Variants in ATP11B observed in about 807,000 individuals in gnomAD.
The protein encoded by ATP11B is phospholipid-transporting ATPase IF.
A neutral mutation model predicts 157.8 loss-of-function variants in ATP11B; 81 were observed. The ratio of observed to expected loss-of-function variants is 0.51; its 90% CI spans 0.43 to 0.62. The LOEUF is 0.62. ATP11B is among the 20% of genes least tolerant of loss of function. The pLI, the probability that ATP11B is intolerant of heterozygous loss-of-function variation, is 0.00. For synonymous variants in ATP11B, 451 were observed against 469.4 expected (o/e 0.96, Z 0.51); for missense variants, 1,165 against 1,402.2 (o/e 0.83, Z 2.70).
intron 2 of ATP11B, among the ~76,000 whole-genome samples, chr3:182,822,298 T>A (rs910167185): frequency 2.0e-5 from 3 of 151,964 alleles, no homozygotes; most frequent in Admixed American, 6.6e-5. Flanking sequence ...CCCCAGTGTG[T>A]GATATTCCCC....
At chr3:182,794,796 G>A (rs927006628) in intron 1 of ATP11B, among the ~76,000 whole-genome samples, 18 of 152,190 alleles carry the variant, frequency 1.2e-4, no homozygotes, top group Non-Finnish European at 8.8e-5. Flanking sequence ...TGATGAGGCC[G>A]GTTACTATTT....
intron 24 of ATP11B, among the ~76,000 whole-genome samples, chr3:182,888,481 A>T (rs979240332): frequency 6.6e-6 from 1 of 152,176 alleles, no homozygotes; most frequent in Non-Finnish European, 1.5e-5. Context: ...AGATAAATCA[A>T]CTTTTCAAAA....
chr3:182,849,258 A>G (rs1023063973), intron 10 of ATP11B, among the ~76,000 whole-genome samples: 3 of 152,238 alleles, frequency 2.0e-5, no homozygotes, highest in Non-Finnish European at 4.4e-5. Context: ...TGCCCATTGC[A>G]TTGGAGACAC....
At chr3:182,868,369 A>G (rs986074949) in intron 15 of ATP11B, among the ~76,000 whole-genome samples, 1 of 149,192 alleles carries the variant, frequency 6.7e-6, no homozygotes, top group Non-Finnish European at 1.5e-5. Flanking sequence ...TTCTTTGGCT[A>G]CTTTCATGTG....
intron 17 of ATP11B, among the ~76,000 whole-genome samples, 186 bp from the exon 18 acceptor site, chr3:182,872,170 C>G (rs1489038741): frequency 6.6e-6 from 1 of 152,190 alleles, no homozygotes; most frequent in Non-Finnish European, 1.5e-5. Flanking sequence ...ATATGTGTCC[C>G]ATAACTCAGA....
rs1286287474 is a variant in ATP11B at position 182,894,685 on chromosome 3, G to A, written c.2983-2015G>A. ...TGGCTTCTTCTAGGACCTTGAATGGGGCCTATGCAAGAGGAAGCCCTAAAT... is the reference window on the plus strand; with the variant it reads ...TGGCTTCTTCTAGGACCTTGAATGGAGCCTATGCAAGAGGAAGCCCTAAAT... On this transcript the variant is annotated intron_variant, in intron 25 of 29. Coordinates refer to ENST00000323116, the MANE Select transcript of ATP11B (RefSeq NM_014616.3). 2.6e-5 allele frequency among the ~76,000 whole-genome samples: 4 copies of A among 152,078 alleles called. No individual in the cohort carries two copies. The East Asian group carries it at 7.7e-4, about 29-fold the overall frequency.
chr3:182,899,544 A>G (rs954171731), intron 28 of ATP11B, among the ~76,000 whole-genome samples: 1 of 152,208 alleles, frequency 6.6e-6, no homozygotes, highest in Non-Finnish European at 1.5e-5. Flanking sequence ...AATTTTTAAA[A>G]TTACATTATC....
intron 8 of ATP11B, among the ~76,000 whole-genome samples, 158 bp from the exon 9 acceptor site, chr3:182,845,300 C>G (rs4859249): frequency 0.12 from 18,335 of 152,194 alleles, 1,243 homozygotes; most frequent in African/African-American, 0.18. Flanking sequence ...AGCCACCACG[C>G]CCGGCCCCTG....
chr3:182,845,972 G>A (rs1027938108), intron 9 of ATP11B, among the ~76,000 whole-genome samples: 21 of 152,228 alleles, frequency 1.4e-4, no homozygotes, highest in African/African-American at 4.8e-4. Context: ...AACATACACT[G>A]ATTGGATCAA....
chr3:182,897,501 G>A, intron 27 of ATP11B, 95 bp downstream of exon 27: 1 of 853,424 alleles, frequency 1.2e-6, no homozygotes, highest in Non-Finnish European at 1.8e-6. Flanking sequence ...GCTCATAACA[G>A]ATTTCAGACT....
chr3:182,793,629 A>T lies in ATP11B; in HGVS notation c.-131A>T. 2.1e-6 allele frequency: 1 copy of T among 468,536 alleles called. No homozygotes were observed. The highest frequency in any genetic ancestry group is 3.5e-6 in the Non-Finnish European group (1 of 283,350). The allele number at this position is 468,536 out of a possible 1,614,324, so 29.0% of individuals were successfully genotyped here. A position where few individuals can be genotyped will look rare whatever the true frequency, so the allele number is the denominator to read the frequency against. The stretch of plus-strand genomic sequence containing the variant: ...GGGGACGCGGCGCGGGGAGTGAGGC[A>T]GTGGCGGCGGCGGCGGTAAGCGGAA... On this transcript the variant is annotated 5_prime_UTR_variant, in exon 1 of 30. Transcript: ENST00000323116.
chr3:182,824,952 AT>A (rs1717616658), intron 2 of ATP11B, among the ~76,000 whole-genome samples: 1 of 152,366 alleles, frequency 6.6e-6, no homozygotes. Flanking sequence ...TAGAATTCAT[AT>A]CTTTGACCAT....
At chr3:182,805,461 T>G (rs1008029932) in intron 1 of ATP11B, among the ~76,000 whole-genome samples, 2 of 151,998 alleles carry the variant, frequency 1.3e-5, no homozygotes, top group African/African-American at 4.8e-5. Context: ...TTGCTTTTTT[T>G]TTTTTCTTTT....
At chr3:182,808,806 T>G (rs1354269298) in intron 1 of ATP11B, among the ~76,000 whole-genome samples, 1 of 152,226 alleles carries the variant, frequency 6.6e-6, no homozygotes, top group African/African-American at 2.4e-5. Flanking sequence ...TGTACCCTTC[T>G]CTCCCACCCA....
At chr3:182,865,359 A>AC in intron 12 of ATP11B, 97 bp from the exon 13 acceptor site, 2 of 1,188,350 alleles carry the variant, frequency 1.7e-6, no homozygotes, top group Non-Finnish European at 2.4e-6. Flanking sequence ...TAATAGATAA[A>AC]CTGGACTTCA....
intron 10 of ATP11B, among the ~76,000 whole-genome samples, chr3:182,852,715 A>C (rs191985003): frequency 6.6e-6 from 1 of 152,212 alleles, no homozygotes; most frequent in African/African-American, 2.4e-5. Flanking sequence ...AACTGACTCA[A>C]AGTGTAAGAT....
intron 29 of ATP11B, chr3:182,914,713 A>G (rs1005226147): frequency 2.3e-5 from 23 of 984,958 alleles, no homozygotes; most frequent in African/African-American, 7.0e-5. Flanking sequence ...CACCATAACG[A>G]AAAAAAACAC....
intron 1 of ATP11B, among the ~76,000 whole-genome samples, chr3:182,804,352 T>A (rs940727651): frequency 6.6e-6 from 1 of 151,854 alleles, no homozygotes. Flanking sequence ...TTCAGGCCAT[T>A]CTCCTACCTC....
intron 17 of ATP11B, 70 bp from the exon 18 acceptor site, chr3:182,872,286 G>A (rs1721720833): frequency 3.5e-6 from 4 of 1,157,308 alleles, no homozygotes; most frequent in Non-Finnish European, 3.7e-6. Flanking sequence ...TATTTTGATA[G>A]TGACTTCTTG....
Sources: allele counts gnomAD v4.1 joint callset (sites outside exome capture counted in the v4.1 genomes callset), GRCh38; gene constraint gnomAD v4.1.1; transcripts MANE v1.5; gene names NCBI Gene and HGNC (gene_info 2026-07-23, HGNC 2026-07-21).